SCNN1G: variants seen among roughly 807,000 people sequenced by gnomAD.
The protein encoded by SCNN1G is sodium channel epithelial 1 subunit gamma, also known as epithelial sodium channel subunit gamma.
A neutral mutation model predicts 64.6 loss-of-function variants in SCNN1G; 27 were observed. The observed-to-expected ratio is 0.42, with a 90% CI of 0.31 to 0.58. The LOEUF (loss-of-function observed/expected upper bound fraction) is 0.58, where lower values mean the gene tolerates loss of function less well. Among genes scored for constraint, SCNN1G ranks in the 20% least tolerant of loss-of-function variants. The pLI is 0.18. For missense variants in SCNN1G, 743 were observed against 823.4 expected (o/e 0.90, Z 1.19); for synonymous variants, 330 against 314.2 (o/e 1.05, Z -0.53).
At chr16:23,215,049 G>T (rs770940013) in intron 12 of SCNN1G, 40 bp from the exon 13 acceptor site, 55 of 1,613,224 alleles carry the variant, frequency 3.4e-5, no homozygotes, top group Middle Eastern at 3.3e-4. Flanking sequence ...CAACTTGGGG[G>T]GAGGTTCCTC....
chr16:23,209,861 C>T lies in SCNN1G; in HGVS notation c.1176+13C>T, dbSNP rs1478235178. 1.9e-6 allele frequency: 3 copies of T among 1,589,766 alleles called. No individual in the cohort carries two copies. Among genetic ancestry groups the T allele is most frequent in the Admixed American group, 1.7e-5 (1 of 59,994 alleles). On this transcript the variant is annotated intron_variant, in intron 7 of 12. Coordinates refer to ENST00000300061, the MANE Select transcript of SCNN1G (RefSeq NM_001039.4). Reference sequence around the variant, plus strand: ...CTACTCGCTCCAGGTAACAGATTGGCAGGGGCACCCAGCCCTGGGTTTATG... The same window carrying T: ...CTACTCGCTCCAGGTAACAGATTGGTAGGGGCACCCAGCCCTGGGTTTATG...
intron 6 of SCNN1G, among the ~76,000 whole-genome samples, chr16:23,208,452 C>G (rs991974093): frequency 6.6e-6 from 1 of 152,098 alleles, no homozygotes; most frequent in East Asian, 1.9e-4. Context: ...CTCTGTTGAG[C>G]TTTCCTTAGC....
intron 6 of SCNN1G, among the ~76,000 whole-genome samples, chr16:23,204,324 TATATATATA>T (rs1959950113): frequency 1.5e-5 from 1 of 67,540 alleles, no homozygotes; most frequent in African/African-American, 5.7e-5. Flanking sequence ...TATATATATA[TATATATATA>T]TAGAGAGAGA....
intron 5 of SCNN1G, 54 bp downstream of exon 5, chr16:23,194,328 G>A: frequency 1.6e-6 from 2 of 1,255,888 alleles, no homozygotes; most frequent in Non-Finnish European, 2.3e-6. Context: ...TGGACATGGG[G>A]GCAGCAGGAC....
rs1418745552 is a variant in SCNN1G at position 23,215,568 on chromosome 16, C to T, written c.*99C>T. The T allele has an allele frequency of 3.1e-5, 44 of 1,422,880 alleles. No homozygotes were observed. The highest frequency in any genetic ancestry group is 3.9e-5 in the Non-Finnish European group (40 of 1,022,860). 88.1% of individuals were successfully genotyped at this position (1,422,880 alleles called of 1,614,324 possible). A position where few individuals can be genotyped will look rare whatever the true frequency, so the allele number is the denominator to read the frequency against. On this transcript the variant is annotated 3_prime_UTR_variant, in exon 13 of 13. Transcript: ENST00000300061. ...CGTGTGCACAGGGGACCCTCTGCCC[C>T]ACTCTGGGCTTTTCAGATACTCTGA... is the stretch of plus-strand genomic sequence containing the variant.
intron 6 of SCNN1G, among the ~76,000 whole-genome samples, chr16:23,204,826 C>T (rs921876800): frequency 2.6e-5 from 4 of 151,986 alleles, no homozygotes; most frequent in Admixed American, 2.6e-4. Context: ...GAATTTTTTT[C>T]ACCGGGTACA....
At position 23,212,736 on chromosome 16, in the gene SCNN1G, T is replaced by C; in HGVS notation, c.1353T>C (p.Ser451=). Residue 451 remains serine, a synonymous_variant, in exon 9 of 13, where the codon TCT becomes TCC. Coordinates refer to ENST00000300061, the MANE Select transcript of SCNN1G (RefSeq NM_001039.4). ...TCCAGGAAGAGCTGGGCTGCCAGTC[T>C]GTGTGCAAGGAAGCCTGCAGGTATG... The part of the protein sequence containing the change: ...AFVQEELGCQ[S]VCKEACSFKE... 6.2e-6 allele frequency: 10 copies of C among 1,614,162 alleles called. No homozygotes were observed. Among genetic ancestry groups the C allele is most frequent in the Non-Finnish European group, 8.5e-6 (10 of 1,180,020 alleles).
chr16:23,205,179 A>C (rs1959969834), intron 6 of SCNN1G, among the ~76,000 whole-genome samples: 1 of 152,106 alleles, frequency 6.6e-6, no homozygotes, highest in Non-Finnish European at 1.5e-5. Flanking sequence ...CTGATTTCAG[A>C]CTTGTTCGGA....
intron 3 of SCNN1G, 52 bp downstream of exon 3, chr16:23,189,723 G>A (rs532024542): frequency 8.9e-6 from 14 of 1,564,372 alleles, no homozygotes; most frequent in Non-Finnish European, 1.2e-5. Context: ...GGGATGGGCT[G>A]GGTCCAGGAC....
intron 1 of SCNN1G, 127 bp from the exon 2 acceptor site, chr16:23,186,101 A>C: frequency 1.5e-6 from 1 of 681,990 alleles, no homozygotes; most frequent in South Asian, 1.7e-5. Context: ...TGCCTAAGCC[A>C]CAGAGGAACA....
intron 6 of SCNN1G, among the ~76,000 whole-genome samples, chr16:23,204,316 TATATATATATATATATATAG>T (rs1177512326): frequency 3.6e-4 from 30 of 82,696 alleles, no homozygotes; most frequent in Non-Finnish European, 5.1e-4. Context: ...TATATATATA[TATATATATATATATATATAG>T]AGAGAGAGAG....
At chr16:23,208,103 C>A (rs144644605) in intron 6 of SCNN1G, among the ~76,000 whole-genome samples, 85 of 152,346 alleles carry the variant, frequency 5.6e-4, no homozygotes, top group Non-Finnish European at 1.0e-3. Context: ...CCTCCCACCC[C>A]CATTTTTGCT....
At chr16:23,206,341 G>T (rs1959989751) in intron 6 of SCNN1G, among the ~76,000 whole-genome samples, 1 of 152,198 alleles carries the variant, frequency 6.6e-6, no homozygotes, top group South Asian at 2.1e-4. Flanking sequence ...GTGGGAGCTG[G>T]CTCTCTAACC....
intron 11 of SCNN1G, among the ~76,000 whole-genome samples, 174 bp downstream of exon 11, chr16:23,213,337 C>A (rs1035551644): frequency 2.7e-5 from 4 of 147,670 alleles, no homozygotes; most frequent in African/African-American, 1.0e-4. Context: ...ACTGTAACTT[C>A]TGCCTCCTGG....
chr16:23,192,914 C>T (rs1378455380), intron 4 of SCNN1G, among the ~76,000 whole-genome samples: 1 of 151,218 alleles, frequency 6.6e-6, no homozygotes, highest in African/African-American at 2.4e-5. Context: ...ACTAAAAATA[C>T]AAAACTTAGC....
Position 23,215,541 on chromosome 16 carries a change from G to T in SCNN1G, c.*72G>T, listed in dbSNP as rs1960147890. ...TAAGGACATGGATCGGGTGCCCCCAGACGTGTGCACAGGGGACCCTCTGCC... is the reference window on the plus strand; with the variant it reads ...TAAGGACATGGATCGGGTGCCCCCATACGTGTGCACAGGGGACCCTCTGCC... On this transcript the variant is annotated 3_prime_UTR_variant, in exon 13 of 13. Coordinates refer to ENST00000300061, the MANE Select transcript of SCNN1G (RefSeq NM_001039.4). 4.4e-6 allele frequency: 7 copies of T among 1,573,452 alleles called. No homozygotes were observed. Among genetic ancestry groups the T allele is most frequent in the Non-Finnish European group, 6.1e-6 (7 of 1,156,410 alleles).
chr16:23,214,840 A>G (rs1327108274), intron 12 of SCNN1G, 53 bp downstream of exon 12: 1 of 1,452,876 alleles, frequency 6.9e-7, no homozygotes, highest in African/African-American at 1.4e-5. Context: ...AAATGTGAGC[A>G]TCTTCCTGGC....
chr16:23,195,460 T>G (rs945965350), intron 5 of SCNN1G, among the ~76,000 whole-genome samples: 32 of 152,160 alleles, frequency 2.1e-4, no homozygotes, highest in Non-Finnish European at 3.2e-4. Context: ...GAAAATGATG[T>G]GATATGTAGA....
At chr16:23,208,265 T>G (rs1960022396) in intron 6 of SCNN1G, among the ~76,000 whole-genome samples, 1 of 152,080 alleles carries the variant, frequency 6.6e-6, no homozygotes, top group African/African-American at 2.4e-5. Flanking sequence ...GAAGGTCCAT[T>G]GAGCCCGGGA....
Sources: allele counts gnomAD v4.1 joint callset (sites outside exome capture counted in the v4.1 genomes callset), GRCh38; gene constraint gnomAD v4.1.1; transcripts MANE v1.5; gene names NCBI Gene and HGNC (gene_info 2026-07-23, HGNC 2026-07-21).